PNMT: variants seen among roughly 807,000 people sequenced by gnomAD.
The protein encoded by PNMT is phenylethanolamine N-methyltransferase, also known as noradrenaline N-methyltransferase.
In PNMT, 18 loss-of-function variants were observed where a neutral mutation model predicts 18.9. The ratio of observed to expected loss-of-function variants is 0.95; its 90% CI spans 0.66 to 1.41. The LOEUF (loss-of-function observed/expected upper bound fraction) is 1.41, where lower values mean the gene tolerates loss of function less well. PNMT is among the 40% of genes most tolerant of loss of function. The pLI is 0.00. For missense variants in PNMT, 378 were observed against 387.0 expected (o/e 0.98, Z 0.20); for synonymous variants, 167 against 168.6 (o/e 0.99, Z 0.08).
chr17:39,670,355 T>A lies in PNMT; in HGVS notation c.815T>A (p.Val272Asp). 6.3e-7 allele frequency: 1 copy of A among 1,595,932 alleles called. No individual in the cohort carries two copies. Among genetic ancestry groups the A allele is most frequent in the Non-Finnish European group, 8.6e-7 (1 of 1,168,748 alleles). ...ACAGGCGTAGATGATGTCAAGGGCGTCTTCTTCGCCTGGGCTCAGAAGGTT... is the reference window on the plus strand; with the variant it reads ...ACAGGCGTAGATGATGTCAAGGGCGACTTCTTCGCCTGGGCTCAGAAGGTT... ...LQTGVDDVKG[V>D]FFAWAQKVGL Residue 272 changes from valine (V) to aspartate (D), a missense_variant, in exon 3 of 3, where the codon GTC becomes GAC. Coordinates refer to ENST00000269582, the MANE Select transcript of PNMT (RefSeq NM_002686.4).
chr17:39,668,598 G>T lies in PNMT; in HGVS notation c.123G>T (p.Ala41=). The T allele has an allele frequency of 6.2e-7, 1 of 1,603,238 alleles. No individual in the cohort carries two copies. ...GCGCCTACCTCCGCAACAACTACGC[G>T]CCCCCTCGCGGGGACCTGTGCAACC... ...EPRAYLRNNY[A]PPRGDLCNPN... Residue 41 remains alanine, a synonymous_variant, in exon 1 of 3, where the codon GCG becomes GCT. Transcript: ENST00000269582.
chr17:39,670,192 G>A lies in PNMT; in HGVS notation c.652G>A (p.Glu218Lys). 1 of 1,612,084 alleles carries A rather than the reference G, an allele frequency of 6.2e-7. No homozygotes were observed. The highest frequency in any genetic ancestry group is 2.2e-5 in the East Asian group (1 of 44,862). ...GGHLLLIGAL[E>K]ESWYLAGEAR... ...GCACCTCCTCCTCATCGGGGCCCTG[G>A]AGGAGTCGTGGTACCTGGCTGGGGA... Residue 218 changes from glutamate (E) to lysine (K), a missense_variant, in exon 3 of 3, where the codon GAG (glutamate) becomes AAG (lysine). Coordinates refer to ENST00000269582, the MANE Select transcript of PNMT (RefSeq NM_002686.4).
Position 39,669,791 on chromosome 17 carries a change from A to C in PNMT, c.365A>C (p.Asn122Thr), listed in dbSNP as rs375992662. 3 of 1,614,016 alleles carry C rather than the reference A, an allele frequency of 1.9e-6. No individual in the cohort carries two copies. The South Asian group carries it at 3.3e-5, about 18-fold the overall frequency. The change falls in exon 2 of 3, where the codon AAC (asparagine) becomes ACC (threonine). Residue 122 changes from asparagine to threonine, a missense_variant. Asn to Thr is a moderately conservative substitution (Grantham distance 65). Coordinates refer to ENST00000269582, the MANE Select transcript of PNMT (RefSeq NM_002686.4). ...RWLQEEPGAF[N>T]WSMYSQHACL... ...CTGCAGGAGGAGCCGGGGGCCTTCA[A>C]CTGGAGCATGTACAGCCAACATGCC...
Position 39,670,074 on chromosome 17 carries a change from G to A in PNMT, c.534G>A (p.Leu178=). The change falls in exon 3 of 3, where the codon CTG becomes CTA. Residue 178 remains leucine (L), a synonymous_variant. Transcript: ENST00000269582. Reference sequence around the variant, plus strand: ...CAGCTCCCCTGCCTGCTGACGCCCTGGTCTCTGCCTTCTGCTTGGAGGCTG... The same window carrying A: ...CAGCTCCCCTGCCTGCTGACGCCCTAGTCTCTGCCTTCTGCTTGGAGGCTG... ...GSPAPLPADA[L]VSAFCLEAVS... 1 of 1,608,456 alleles carries A rather than the reference G, an allele frequency of 6.2e-7. No individual in the cohort carries two copies. Among genetic ancestry groups the A allele is most frequent in the South Asian group, 1.1e-5 (1 of 91,076 alleles).
rs377545756 is a variant in PNMT, at chr17:39,669,850, G to T, written c.410+14G>T. ...TGAGGGCAAGGGGTAAGGACTGGGG[G>T]GTGAGGGTTGGGGAGGAGGCTTCCC... On this transcript the variant is annotated intron_variant, in intron 2 of 2. Coordinates refer to ENST00000269582, the MANE Select transcript of PNMT (RefSeq NM_002686.4). The T allele has an allele frequency of 1.9e-5, 31 of 1,609,204 alleles. No individual in the cohort carries two copies. The highest frequency in any genetic ancestry group is 2.6e-5 in the Non-Finnish European group (31 of 1,176,452).
In PNMT at chr17:39,668,528, CG is replaced by C. The variant is rs2057272989; in HGVS notation, c.56del (p.Gly19AlafsTer81). The C allele has an allele frequency of 6.5e-7, 1 of 1,542,694 alleles. No individual in the cohort carries two copies. Among genetic ancestry groups the C allele is most frequent in the Non-Finnish European group, 8.7e-7 (1 of 1,150,490 alleles). ...GCGGGCGCAGCCCCTGACTCGGCCC[CG>C]GGCCAGGCGGCGGTGGCTTCGGCCT... ...PNAGAAPDSA[P>X]GQAAVASAYQ... On this transcript the variant is annotated frameshift_variant, in exon 1 of 3. Coordinates refer to ENST00000269582, the MANE Select transcript of PNMT (RefSeq NM_002686.4). LOFTEE classifies it high-confidence loss of function.
chr17:39,668,561 G>T lies in PNMT; in HGVS notation c.86G>T (p.Arg29Leu), dbSNP rs749290196. 6.3e-7 allele frequency: 1 copy of T among 1,576,960 alleles called. No individual in the cohort carries two copies. Among genetic ancestry groups the T allele is most frequent in the Non-Finnish European group, 8.6e-7 (1 of 1,168,412 alleles). ...GCGGCGGTGGCTTCGGCCTACCAGC[G>T]CTTCGAGCCGCGCGCCTACCTCCGC... ...GQAAVASAYQ[R>L]FEPRAYLRNN... Residue 29 changes from arginine to leucine, a missense_variant, in exon 1 of 3, where the codon CGC becomes CTC. Physicochemically the swap from Arg to Leu is moderately radical, Grantham distance 102. Coordinates refer to ENST00000269582, the MANE Select transcript of PNMT (RefSeq NM_002686.4).
upstream of PNMT, chr17:39,668,207 G>A (rs2057269899): frequency 2.6e-6 from 1 of 384,728 alleles, no homozygotes. Flanking sequence ...GGCAGGCGAG[G>A]CGGAGGGCGA....
intron 1 of PNMT, 114 bp from the exon 2 acceptor site, chr17:39,669,515 A>G (rs2057280467): frequency 2.7e-6 from 2 of 736,226 alleles, no homozygotes; most frequent in African/African-American, 1.7e-5. Context: ...ACACATTTGC[A>G]GAGGAGAAGG....
At chr17:39,669,131 A>T (rs1345989391) in intron 1 of PNMT, among the ~76,000 whole-genome samples, 2 of 151,848 alleles carry the variant, frequency 1.3e-5, no homozygotes, top group African/African-American at 2.4e-5. Context: ...CCCAGGCTGG[A>T]GTACAATGGC....
At chr17:39,668,243 G>A (rs918096026), upstream of PNMT, 7 of 420,828 alleles carry the variant, frequency 1.7e-5, no homozygotes, top group Admixed American at 1.8e-4. Flanking sequence ...GTACGGAGCC[G>A]GGGGTGTGGG....
upstream of PNMT, chr17:39,668,390 C>T (rs1004717498): frequency 4.3e-6 from 5 of 1,171,628 alleles, no homozygotes; most frequent in Non-Finnish European, 5.5e-6. Context: ...CTGCCGCCCC[C>T]ACAGCGGACC....
chr17:39,668,137 A>G, upstream of PNMT: 1 of 235,870 alleles, frequency 4.2e-6, no homozygotes, highest in Non-Finnish European at 7.6e-6. Flanking sequence ...GAGGGGGTCT[A>G]AAGATTGTGG....
chr17:39,668,243 G>C (rs918096026), upstream of PNMT: 1 of 420,828 alleles, frequency 2.4e-6, no homozygotes, highest in Non-Finnish European at 4.2e-6. Flanking sequence ...GTACGGAGCC[G>C]GGGGTGTGGG....
Position 39,669,936 on chromosome 17 carries a change from G to T in PNMT, c.411-15G>T, listed in dbSNP as rs992359821. On this transcript the variant is annotated splice_polypyrimidine_tract_variant and intron_variant, in intron 2 of 2. Transcript: ENST00000269582. ...GTAGAACAGCCTTGAGCCCTGCCTT[G>T]TGCCTCCTGCACAGGGAATGCTGGC... 2.5e-6 allele frequency: 4 copies of T among 1,595,040 alleles called. No individual in the cohort carries two copies. The highest frequency in any genetic ancestry group is 3.4e-6 in the Non-Finnish European group (4 of 1,170,092).
Position 39,670,363 on chromosome 17 carries a change from G to A in PNMT, c.823G>A (p.Ala275Thr), listed in dbSNP as rs749683736. The A allele has an allele frequency of 2.5e-5, 40 of 1,590,520 alleles. No homozygotes were observed. The South Asian group carries it at 3.6e-4, about 14-fold the overall frequency. ...GVDDVKGVFF[A>T]WAQKVGL is the part of the protein sequence containing the mutation. ...AGATGATGTCAAGGGCGTCTTCTTC[G>A]CCTGGGCTCAGAAGGTTGGGCTGTG... is the stretch of plus-strand genomic sequence containing the variant. The change falls in exon 3 of 3, where the codon GCC (alanine) becomes ACC (threonine). Residue 275 changes from alanine (A) to threonine (T), a missense_variant. Ala to Thr is a moderately conservative substitution (Grantham distance 58, BLOSUM62 0). Coordinates refer to ENST00000269582, the MANE Select transcript of PNMT (RefSeq NM_002686.4).
At chr17:39,668,940 G>GTTGGA (rs2057276232) in intron 1 of PNMT, among the ~76,000 whole-genome samples, 1 of 152,150 alleles carries the variant, frequency 6.6e-6, no homozygotes, top group Non-Finnish European at 1.5e-5. Context: ...GACAGACTGA[G>GTTGGA]GTGGAGATGC....
At position 39,668,509 on chromosome 17, in the gene PNMT, G is replaced by T. The variant is rs760247206; in HGVS notation, c.34G>T (p.Ala12Ser). 2.0e-6 allele frequency: 3 copies of T among 1,529,590 alleles called. No individual in the cohort carries two copies. Among genetic ancestry groups the T allele is most frequent in the Non-Finnish European group, 2.6e-6 (3 of 1,143,856 alleles). The allele number at this position is 1,529,590 out of a possible 1,614,324, so 94.8% of individuals were successfully genotyped here. A position where few individuals can be genotyped will look rare whatever the true frequency, so the allele number is the denominator to read the frequency against. Residue 12 changes from alanine (A) to serine (S), a missense_variant, in exon 1 of 3, where the codon GCA becomes TCA. By Grantham distance (99) the Ala-to-Ser change is moderately conservative. Transcript: ENST00000269582. The stretch of plus-strand genomic sequence containing the variant: ...CGCAGACCGTAGCCCCAATGCGGGC[G>T]CAGCCCCTGACTCGGCCCCGGGCCA... ...SGADRSPNAG[A>S]APDSAPGQAA...
upstream of PNMT, chr17:39,668,382 G>T (rs1027472668): frequency 8.3e-6 from 9 of 1,089,894 alleles, no homozygotes; most frequent in African/African-American, 1.7e-5. Context: ...GCGGTCAGCT[G>T]CCGCCCCCAC....
Sources: allele counts gnomAD v4.1 joint callset (sites outside exome capture counted in the v4.1 genomes callset), GRCh38; gene constraint gnomAD v4.1.1; transcripts MANE v1.5; gene names NCBI Gene and HGNC (gene_info 2026-07-23, HGNC 2026-07-21).